TMCO4: variants seen among roughly 807,000 people sequenced by gnomAD.
TMCO4 encodes transmembrane and coiled-coil domain-containing protein 4.
In TMCO4, 58 loss-of-function variants were observed where a neutral mutation model predicts 64.7. The observed-to-expected ratio is 0.90, with a 90% CI of 0.73 to 1.12. The LOEUF (loss-of-function observed/expected upper bound fraction) is 1.12. Among genes scored for constraint, TMCO4 ranks in the 50% most tolerant of loss-of-function variants. TMCO4 has a pLI of 0.00. For synonymous variants in TMCO4, 325 were observed against 346.1 expected, an observed-to-expected ratio of 0.94 and a Z score of 0.68; for missense variants, 780 against 825.9, an observed-to-expected ratio of 0.94 and a Z score of 0.68.
chr1:19,687,292 C>A (rs4912016), intron 15 of TMCO4, among the ~76,000 whole-genome samples: 1 of 151,996 alleles, frequency 6.6e-6, no homozygotes, highest in African/African-American at 2.4e-5. Flanking sequence ...TTCTTATGTT[C>A]TCCAGGCTGG....
intron 13 of TMCO4, among the ~76,000 whole-genome samples, chr1:19,719,043 A>T (rs2095369846): frequency 6.6e-6 from 1 of 152,194 alleles, no homozygotes; most frequent in Non-Finnish European, 1.5e-5. Flanking sequence ...AAAGCTGAAG[A>T]GATCATTAGC....
intron 13 of TMCO4, among the ~76,000 whole-genome samples, chr1:19,710,081 T>C (rs905826229): frequency 4.6e-5 from 7 of 151,972 alleles, no homozygotes; most frequent in African/African-American, 1.7e-4. Flanking sequence ...GTGCCCAGCC[T>C]GGAATTCTAT....
At chr1:19,798,576 C>T (rs1050431442) in intron 1 of TMCO4, among the ~76,000 whole-genome samples, 5 of 152,224 alleles carry the variant, frequency 3.3e-5, no homozygotes, top group Non-Finnish European at 7.3e-5. Context: ...CTTGCCTGAT[C>T]CCACTCAGTT....
At position 19,772,535 on chromosome 1, in the gene TMCO4, C is replaced by T. The variant is rs574232157; in HGVS notation, c.180-1053G>A. Among the ~76,000 whole-genome samples the T allele has an allele frequency of 2.6e-5, 4 of 152,216 alleles. No homozygotes were observed. In the South Asian group the frequency reaches 6.2e-4, roughly 24 times the overall value. The stretch of plus-strand genomic sequence containing the variant: ...CATTTGGGGGGATGATGGCAGAGTC[C>T]ACACCAGACTTCTGACACAGCCACC... On this transcript the variant is annotated intron_variant, in intron 4 of 15. Coordinates refer to ENST00000294543, the MANE Select transcript of TMCO4 (RefSeq NM_181719.7).
In TMCO4 at chr1:19,743,918, T is replaced by G. The variant is rs929840925; in HGVS notation, c.877+1614A>C. ...CCATACCAAGTTCCTACTATGCTGG[T>G]AAAATGCCAGACTCAAGGTAGGTGT... On this transcript the variant is annotated intron_variant, in intron 10 of 15. Transcript: ENST00000294543. This position sits in a 1 kb window ranked among gnomAD's most constrained non-coding sequence, Gnocchi z 4.1. Among the ~76,000 whole-genome samples, 1 of 152,164 alleles carries G rather than the reference T, an allele frequency of 6.6e-6. No homozygotes were observed. Among genetic ancestry groups the G allele is most frequent in the African/African-American group, 2.4e-5 (1 of 41,438 alleles).
At chr1:19,728,738 C>T (rs568211010) in intron 13 of TMCO4, among the ~76,000 whole-genome samples, 32 of 152,370 alleles carry the variant, frequency 2.1e-4, no homozygotes, top group Middle Eastern at 3.4e-3. Flanking sequence ...CACCATCCAA[C>T]ACTGGGGTTC....
At chr1:19,703,778 C>A (rs934992317) in intron 13 of TMCO4, among the ~76,000 whole-genome samples, 6 of 152,170 alleles carry the variant, frequency 3.9e-5, no homozygotes, top group Admixed American at 6.5e-5. Context: ...AAACTCCCGA[C>A]CTCAGGTGAT....
intron 6 of TMCO4, among the ~76,000 whole-genome samples, chr1:19,766,707 C>T (rs1019324893): frequency 1.3e-5 from 2 of 152,204 alleles, no homozygotes; most frequent in East Asian, 3.8e-4. Flanking sequence ...GAAACCAAGG[C>T]ACAGAGACAT....
intron 3 of TMCO4, among the ~76,000 whole-genome samples, chr1:19,781,627 G>A (rs2043482145): frequency 6.6e-6 from 1 of 150,598 alleles, no homozygotes; most frequent in Non-Finnish European, 1.5e-5. Context: ...AGGATGAAGA[G>A]CAAACAGAAC....
intron 2 of TMCO4, among the ~76,000 whole-genome samples, chr1:19,796,003 C>T (rs1388985105): frequency 1.3e-5 from 2 of 152,232 alleles, no homozygotes; most frequent in Admixed American, 1.3e-4. Context: ...GATACCACCT[C>T]GGGCCTCAGC....
intron 15 of TMCO4, among the ~76,000 whole-genome samples, chr1:19,693,883 G>T (rs1429782543): frequency 6.6e-6 from 1 of 152,168 alleles, no homozygotes; most frequent in Non-Finnish European, 1.5e-5. Context: ...GGGGCTGTTG[G>T]GGAGCCCTGG....
chr1:19,687,797 G>A (rs1390445669), intron 15 of TMCO4, among the ~76,000 whole-genome samples: 1 of 152,212 alleles, frequency 6.6e-6, no homozygotes, highest in Non-Finnish European at 1.5e-5. Context: ...GGCTGCAGCT[G>A]ATACCAGATG....
rs1413494624 is a variant in TMCO4 at position 19,694,642 on chromosome 1, G to A, written c.1383-91C>T. ...GCCAGGCTGCCTCCTGGGGAAGCCA[G>A]GTGGGAATGGAGCTTCTGGGGGAAA... On this transcript the variant is annotated intron_variant, in intron 14 of 15. Transcript: ENST00000294543. 1.0e-5 allele frequency: 12 copies of A among 1,201,040 alleles called. No individual in the cohort carries two copies. In the East Asian group the frequency reaches 2.9e-4, roughly 29 times the overall value. 74.4% of individuals were successfully genotyped at this position (1,201,040 alleles called of 1,614,324 possible).
At chr1:19,687,397 T>C (rs2095157903) in intron 15 of TMCO4, among the ~76,000 whole-genome samples, 1 of 152,188 alleles carries the variant, frequency 6.6e-6, no homozygotes, top group Non-Finnish European at 1.5e-5. Context: ...CCAAACACTT[T>C]TAAAGAGACA....
intron 13 of TMCO4, among the ~76,000 whole-genome samples, chr1:19,720,795 G>C (rs935624930): frequency 2.0e-5 from 3 of 152,172 alleles, no homozygotes; most frequent in Non-Finnish European, 4.4e-5. Context: ...CTCAGGGTCT[G>C]TCATTAAATC....
intron 6 of TMCO4, among the ~76,000 whole-genome samples, chr1:19,766,497 C>G (rs2042741795): frequency 6.6e-6 from 1 of 152,206 alleles, no homozygotes; most frequent in South Asian, 2.1e-4. Flanking sequence ...ACGCAAGAGT[C>G]TCAAGAGACA....
At position 19,703,556 on chromosome 1, in the gene TMCO4, CT is replaced by C. The variant is rs1170483915; in HGVS notation, c.1265-2672del. ...TTTTCTTTCTTTTTCTTTTCTTCCT[CT>C]TTTTTTTTTTTTGACAGAGTCTCAC... On this transcript the variant is annotated intron_variant, in intron 13 of 15. Coordinates refer to ENST00000294543, the MANE Select transcript of TMCO4 (RefSeq NM_181719.7). Among the ~76,000 whole-genome samples, 403 of 122,130 alleles carry C rather than the reference CT, an allele frequency of 3.3e-3. 3 individuals are homozygous for C. The highest frequency in any genetic ancestry group is 3.9e-3 in the Non-Finnish European group (220 of 56,716). The allele number at this position is 122,130 out of a possible 152,430, so 80.1% of individuals were successfully genotyped here. A position where few individuals can be genotyped will look rare whatever the true frequency, so the allele number is the denominator to read the frequency against.
At chr1:19,762,684 A>T (rs1457776632) in intron 6 of TMCO4, among the ~76,000 whole-genome samples, 1 of 152,262 alleles carries the variant, frequency 6.6e-6, no homozygotes, top group African/African-American at 2.4e-5. Context: ...AGGTTGTGAT[A>T]ACAATCCTGA....
At chr1:19,700,699 C>T in intron 14 of TMCO4, 69 bp downstream of exon 14, 4 of 1,358,986 alleles carry the variant, frequency 2.9e-6, no homozygotes, top group Non-Finnish European at 4.2e-6. Flanking sequence ...GTCCCCAACA[C>T]AGAGCCTGGG....
Sources: allele counts gnomAD v4.1 joint callset (sites outside exome capture counted in the v4.1 genomes callset), GRCh38; gene constraint gnomAD v4.1.1; non-coding constraint Gnocchi (gnomAD v3.1); transcripts MANE v1.5; gene names NCBI Gene and HGNC (gene_info 2026-07-23, HGNC 2026-07-21).